Variants in CLSTN3 observed in about 807,000 individuals in gnomAD.
CLSTN3 encodes the protein calsyntenin 3, also known as calsyntenin-3.
A neutral mutation model predicts 95.9 loss-of-function variants in CLSTN3; 36 were observed. The observed-to-expected ratio is 0.38, with a 90% CI of 0.29 to 0.50. The LOEUF (loss-of-function observed/expected upper bound fraction) is 0.50. Ranked by LOEUF, CLSTN3 falls within the 20% of genes least tolerant of loss-of-function variation. The pLI, the probability that CLSTN3 is intolerant of heterozygous loss-of-function variation, is 0.95. For missense variants in CLSTN3, 1,084 were observed against 1,268.8 expected (o/e 0.85, Z 2.21); for synonymous variants, 481 against 504.0 (o/e 0.95, Z 0.61).
At position 7,136,402 on chromosome 12, in the gene CLSTN3, C is replaced by A. The variant is rs1194718059; in HGVS notation, c.928+11C>A. 3.1e-6 allele frequency: 5 copies of A among 1,596,476 alleles called. No homozygotes were observed. The South Asian group carries it at 5.6e-5, about 18-fold the overall frequency. ...TGCGGAAACTCTGTGGTAGGTGTGC[C>A]CCCAACACTGCCTCAGGCCTATCCC... On this transcript the variant is annotated intron_variant, in intron 6 of 17. Transcript: ENST00000266546.
rs1044756776 is a variant in CLSTN3, at chr12:7,149,292, C to T, written c.2074+94C>T. ...AACTCCTGGGGCTGGAAGCAGAAAG[C>T]GACTCCATCCTGTGTTTGTTTGACT... On this transcript the variant is annotated intron_variant, in intron 13 of 17. Coordinates refer to ENST00000266546, the MANE Select transcript of CLSTN3 (RefSeq NM_014718.4). The surrounding 1 kb of genome is among the most constrained non-coding windows in gnomAD (Gnocchi z 4.5). 2.7e-6 allele frequency: 3 copies of T among 1,112,820 alleles called. No homozygotes were observed. The highest frequency in any genetic ancestry group is 2.6e-5 in the East Asian group (1 of 39,164). 68.9% of individuals were successfully genotyped at this position (1,112,820 alleles called of 1,614,324 possible). A position where few individuals can be genotyped will look rare whatever the true frequency, so the allele number is the denominator to read the frequency against.
At position 7,151,013 on chromosome 12, in the gene CLSTN3, C is replaced by A; in HGVS notation, c.2477C>A (p.Pro826His). Residue 826 changes from proline (P) to histidine (H), a missense_variant, in exon 16 of 18, where the codon CCC becomes CAC. Pro to His is a moderately conservative substitution (Grantham distance 77). Coordinates refer to ENST00000266546, the MANE Select transcript of CLSTN3 (RefSeq NM_014718.4). ...CAGTTCCTGCACCGTGGTCACCAGC[C>A]CCCGCCTGAGATGGCTGGACACAGC... is the stretch of plus-strand genomic sequence containing the variant. Reference protein sequence around the residue: ...SQQFLHRGHQPPPEMAGHSLA... With the variant: ...SQQFLHRGHQHPPEMAGHSLA... The A allele has an allele frequency of 1.2e-6, 2 of 1,612,640 alleles. No homozygotes were observed. The highest frequency in any genetic ancestry group is 1.7e-6 in the Non-Finnish European group (2 of 1,179,180).
Position 7,157,833 on chromosome 12 carries a change from A to G in CLSTN3, c.2731-108A>G, listed in dbSNP as rs1939847683. On this transcript the variant is annotated intron_variant, in intron 17 of 17. Transcript: ENST00000266546. This position sits in a 1 kb window ranked among gnomAD's most constrained non-coding sequence, Gnocchi z 5.9. The stretch of plus-strand genomic sequence containing the variant: ...GGAGGGAGAGAGGTTCAGGCAGGGA[A>G]GGGGGTACACAGGGGTTAAGGGGAC... The G allele has an allele frequency of 6.6e-7, 1 of 1,504,334 alleles. No homozygotes were observed. The highest frequency in any genetic ancestry group is 2.0e-5 in the Admixed American group (1 of 50,130). 93.2% of individuals were successfully genotyped at this position (1,504,334 alleles called of 1,614,324 possible).
chr12:7,144,255 A>G (rs1161389640), intron 12 of CLSTN3, among the ~76,000 whole-genome samples: 2 of 148,804 alleles, frequency 1.3e-5, no homozygotes, highest in East Asian at 3.9e-4. Flanking sequence ...AAAAAAAAAA[A>G]GTTTACTGAC....
intron 16 of CLSTN3, among the ~76,000 whole-genome samples, chr12:7,151,985 C>A (rs139732987): frequency 1.3e-5 from 2 of 151,028 alleles, no homozygotes; most frequent in South Asian, 2.1e-4. Flanking sequence ...GCCTGTGAGG[C>A]CAAGGCTGCA....
chr12:7,133,856 G>C lies in CLSTN3; in HGVS notation c.383+88G>C. On this transcript the variant is annotated intron_variant, in intron 3 of 17. Coordinates refer to ENST00000266546, the MANE Select transcript of CLSTN3 (RefSeq NM_014718.4). The surrounding 1 kb of genome is among the most constrained non-coding windows in gnomAD (Gnocchi z 4.7). ...ACCATCCTCTGTCCGTGCGGTCATCGAATATCCACCCCCACCCGCTGCTGT... is the reference window on the plus strand; with the variant it reads ...ACCATCCTCTGTCCGTGCGGTCATCCAATATCCACCCCCACCCGCTGCTGT... 2.7e-6 allele frequency: 3 copies of C among 1,094,272 alleles called. No individual in the cohort carries two copies. Among genetic ancestry groups the C allele is most frequent in the Non-Finnish European group, 2.6e-6 (2 of 765,632 alleles). The allele number at this position is 1,094,272 out of a possible 1,614,324, so 67.8% of individuals were successfully genotyped here.
chr12:7,141,546 C>A lies in CLSTN3; in HGVS notation c.1486+142C>A. ...TGTGCAGGGTGACTCTGAAGATCTC[C>A]ATGGGAAGGGACCACAGCCTCCCTC... On this transcript the variant is annotated intron_variant, in intron 9 of 17. Coordinates refer to ENST00000266546, the MANE Select transcript of CLSTN3 (RefSeq NM_014718.4). This position sits in a 1 kb window ranked among gnomAD's most constrained non-coding sequence, Gnocchi z 4.1. 1 of 871,042 alleles carries A rather than the reference C, an allele frequency of 1.1e-6. No individual in the cohort carries two copies. The highest frequency in any genetic ancestry group is 1.9e-6 in the Non-Finnish European group (1 of 537,500). The allele number at this position is 871,042 out of a possible 1,614,324, so 54.0% of individuals were successfully genotyped here.
chr12:7,158,102 C>A lies in CLSTN3; in HGVS notation c.*21C>A, dbSNP rs1417167692. The A allele has an allele frequency of 6.7e-7, 1 of 1,483,590 alleles. No homozygotes were observed. The allele number at this position is 1,483,590 out of a possible 1,614,324, so 91.9% of individuals were successfully genotyped here. On this transcript the variant is annotated 3_prime_UTR_variant, in exon 18 of 18. Coordinates refer to ENST00000266546, the MANE Select transcript of CLSTN3 (RefSeq NM_014718.4). ...ACTAAGGCCTACACCTCTCCCCACG[C>A]AGAGGGGGAATTCTGCCCTGGTGAA...
chr12:7,149,183 A>C lies in CLSTN3; in HGVS notation c.2059A>C (p.Ser687Arg). ...SHQVEAKKDE[S>R]WQGTVTDTRM... ...CCAGGTGGAGGCCAAAAAGGATGAGAGTTGGCAGGGCACAGGTAAGGACGA... is the reference window on the plus strand; with the variant it reads ...CCAGGTGGAGGCCAAAAAGGATGAGCGTTGGCAGGGCACAGGTAAGGACGA... Residue 687 changes from serine to arginine, a missense_variant, in exon 13 of 18, where the codon AGT becomes CGT. Coordinates refer to ENST00000266546, the MANE Select transcript of CLSTN3 (RefSeq NM_014718.4). This position sits in a 1 kb window ranked among gnomAD's most constrained non-coding sequence, Gnocchi z 4.5. 6.3e-7 allele frequency: 1 copy of C among 1,597,072 alleles called. No homozygotes were observed. The highest frequency in any genetic ancestry group is 8.6e-7 in the Non-Finnish European group (1 of 1,169,496).
At chr12:7,131,686 G>C (rs970181497) in intron 1 of CLSTN3, 15 of 441,458 alleles carry the variant, frequency 3.4e-5, no homozygotes, top group African/African-American at 2.2e-4. Context: ...TGCAGAGGGC[G>C]CCCAGCCCTG....
Position 7,141,529 on chromosome 12 carries a change from G to A in CLSTN3, c.1486+125G>A, listed in dbSNP as rs938904198. 9 of 1,026,786 alleles carry A rather than the reference G, an allele frequency of 8.8e-6. No individual in the cohort carries two copies. Among genetic ancestry groups the A allele is most frequent in the Non-Finnish European group, 1.1e-5 (7 of 666,606 alleles). The allele number at this position is 1,026,786 out of a possible 1,614,324, so 63.6% of individuals were successfully genotyped here. On this transcript the variant is annotated intron_variant, in intron 9 of 17. Coordinates refer to ENST00000266546, the MANE Select transcript of CLSTN3 (RefSeq NM_014718.4). This position sits in a 1 kb window ranked among gnomAD's most constrained non-coding sequence, Gnocchi z 4.1. ...CTGCATCTCTCTGCAGCTGTGCAGG[G>A]TGACTCTGAAGATCTCCATGGGAAG...
chr12:7,157,670 C>G lies in CLSTN3; in HGVS notation c.2709C>G (p.Thr903=), dbSNP rs1457533031. The part of the protein sequence containing the change: ...PDLFWDDSAL[T]IIVNPMESYQ... ...TCTTCTGGGATGACTCAGCTCTCACCATCATTGTGAACCCCATGGAGGTGA... is the reference window on the plus strand; with the variant it reads ...TCTTCTGGGATGACTCAGCTCTCACGATCATTGTGAACCCCATGGAGGTGA... Residue 903 remains threonine (T), a synonymous_variant, in exon 17 of 18, where the codon ACC becomes ACG. Coordinates refer to ENST00000266546, the MANE Select transcript of CLSTN3 (RefSeq NM_014718.4). The surrounding 1 kb of genome is among the most constrained non-coding windows in gnomAD (Gnocchi z 5.9). 6.3e-7 allele frequency: 1 copy of G among 1,596,086 alleles called. No individual in the cohort carries two copies. The highest frequency in any genetic ancestry group is 8.5e-7 in the Non-Finnish European group (1 of 1,170,628).
chr12:7,131,781 T>G (rs1206857215), intron 1 of CLSTN3: 2 of 456,454 alleles, frequency 4.4e-6, no homozygotes, highest in Middle Eastern at 3.3e-4. Flanking sequence ...TACCGCCTCC[T>G]GTGCACCATC....
At chr12:7,129,152 T>A, upstream of CLSTN3, 1 of 301,506 alleles carries the variant, frequency 3.3e-6, no homozygotes, top group Non-Finnish European at 6.6e-6. This position sits in a 1 kb window ranked among gnomAD's most constrained non-coding sequence, Gnocchi z 5.5. Flanking sequence ...AAGGTCAGTG[T>A]TGGCCTCCAC....
intron 3 of CLSTN3, among the ~76,000 whole-genome samples, chr12:7,134,719 G>T (rs942566966): frequency 5.9e-5 from 9 of 152,176 alleles, no homozygotes; most frequent in South Asian, 2.1e-4. Flanking sequence ...CATCTTCCTT[G>T]CTTATCCCCC....
At position 7,157,772 on chromosome 12, in the gene CLSTN3, C is replaced by A; in HGVS notation, c.2730+81C>A. ...GTGAGGACTCCTGAGGAGGGGCAGG[C>A]CTGGGTGGAGGCTGTTCGCAGAGCT... On this transcript the variant is annotated intron_variant, in intron 17 of 17. Transcript: ENST00000266546. The surrounding 1 kb of genome is among the most constrained non-coding windows in gnomAD (Gnocchi z 5.9). 1.3e-6 allele frequency: 2 copies of A among 1,507,364 alleles called. No homozygotes were observed. Among genetic ancestry groups the A allele is most frequent in the Non-Finnish European group, 1.8e-6 (2 of 1,116,800 alleles). 93.4% of individuals were successfully genotyped at this position (1,507,364 alleles called of 1,614,324 possible).
rs1939681429 is a variant in CLSTN3 at position 7,149,327 on chromosome 12, A to C, written c.2074+129A>C. 1.0e-6 allele frequency: 1 copy of C among 958,906 alleles called. No homozygotes were observed. The highest frequency in any genetic ancestry group is 1.6e-6 in the Non-Finnish European group (1 of 636,154). 59.4% of individuals were successfully genotyped at this position (958,906 alleles called of 1,614,324 possible). A position where few individuals can be genotyped will look rare whatever the true frequency, so the allele number is the denominator to read the frequency against. ...CTGTGTTTGTTTGACTGAACAACTT[A>C]CCTTTAAGAAGGAGAGCAAGTGGAA... On this transcript the variant is annotated intron_variant, in intron 13 of 17. Transcript: ENST00000266546. The surrounding 1 kb of genome is among the most constrained non-coding windows in gnomAD (Gnocchi z 4.5).
chr12:7,148,911 T>G, intron 12 of CLSTN3, 61 bp from the exon 13 acceptor site: 1 of 1,415,910 alleles, frequency 7.1e-7, no homozygotes, highest in Non-Finnish European at 9.9e-7. Context: ...TGAAACAGAA[T>G]GTGGGTTTTC....
At chr12:7,153,209 G>A (rs1025314970) in intron 16 of CLSTN3, among the ~76,000 whole-genome samples, 5 of 152,302 alleles carry the variant, frequency 3.3e-5, no homozygotes, top group Admixed American at 6.5e-5. Flanking sequence ...AGGCTGGAGA[G>A]CAGTGGTAAT....
Sources: allele counts gnomAD v4.1 joint callset (sites outside exome capture counted in the v4.1 genomes callset), GRCh38; gene constraint gnomAD v4.1.1; non-coding constraint Gnocchi (gnomAD v3.1); transcripts MANE v1.5; gene names NCBI Gene and HGNC (gene_info 2026-07-23, HGNC 2026-07-21).